The following NRDC variants were observed in gnomAD, a reference collection of about 807,000 sequenced individuals.
NRDC encodes nardilysin.
In NRDC, 54 loss-of-function variants were observed where a neutral mutation model predicts 147.1. That is an observed-to-expected ratio of 0.37 (90% confidence interval 0.29 to 0.46). NRDC has a LOEUF of 0.46. Among genes scored for constraint, NRDC ranks in the 20% least tolerant of loss-of-function variants. The pLI is 1.00. For synonymous variants in NRDC, 440 were observed against 482.1 expected, an observed-to-expected ratio of 0.91 and a Z score of 1.14; for missense variants, 1,082 against 1,370.6, an observed-to-expected ratio of 0.79 and a Z score of 3.33.
chr1:51,872,144 T>C (rs1683115076), intron 1 of NRDC, among the ~76,000 whole-genome samples: 1 of 152,222 alleles, frequency 6.6e-6, no homozygotes. Flanking sequence ...GTGCTGGGAT[T>C]ACAGGCGTGA....
chr1:51,818,179 C>A, intron 9 of NRDC, 44 bp from the exon 10 acceptor site: 2 of 1,314,214 alleles, frequency 1.5e-6, no homozygotes, highest in South Asian at 2.7e-5. Context: ...AAGTGTTTCT[C>A]TATGACTTTT....
chr1:51,808,298 A>T (rs1679558590), intron 17 of NRDC, among the ~76,000 whole-genome samples: 1 of 152,138 alleles, frequency 6.6e-6, no homozygotes, highest in Non-Finnish European at 1.5e-5. Flanking sequence ...ACTGCTCCTC[A>T]TTACCCACTC....
At chr1:51,792,628 G>T (rs191123759) in intron 24 of NRDC, among the ~76,000 whole-genome samples, 1 of 152,148 alleles carries the variant, frequency 6.6e-6, no homozygotes, top group Non-Finnish European at 1.5e-5. Flanking sequence ...TTGACCATTT[G>T]TACTCCCGGC....
At chr1:51,810,139 G>C (rs977010969) in intron 16 of NRDC, 142 bp downstream of exon 16, 1 of 511,562 alleles carries the variant, frequency 2.0e-6, no homozygotes, top group Non-Finnish European at 3.3e-6. Flanking sequence ...CTGTGCAGTA[G>C]TATAAGTAAT....
chr1:51,794,863 CAA>C lies in NRDC; in HGVS notation c.2605-11_2605-10del. 4.3e-6 allele frequency: 7 copies of C among 1,613,748 alleles called. No individual in the cohort carries two copies. Among genetic ancestry groups the C allele is most frequent in the Non-Finnish European group, 5.9e-6 (7 of 1,179,888 alleles). On this transcript the variant is annotated splice_polypyrimidine_tract_variant and intron_variant, in intron 22 of 30. Coordinates refer to ENST00000352171, the MANE Select transcript of NRDC (RefSeq NM_001101662.2). The stretch of plus-strand genomic sequence containing the variant: ...AGGAAATCCATAGATTCCTAAGAGG[CAA>C]AAGAGAATAACTACATTAAGCTCTC...
intron 4 of NRDC, among the ~76,000 whole-genome samples, chr1:51,830,252 TGC>T: frequency 6.6e-6 from 1 of 152,158 alleles, no homozygotes; most frequent in Admixed American, 6.5e-5. Context: ...CATGAGCCAC[TGC>T]GTCTGGCCTT....
At chr1:51,802,393 G>T (rs1679252083) in intron 20 of NRDC, among the ~76,000 whole-genome samples, 1 of 152,002 alleles carries the variant, frequency 6.6e-6, no homozygotes, top group South Asian at 2.1e-4. Flanking sequence ...TATATATTAG[G>T]TTTTAATATT....
chr1:51,872,475 G>A (rs1421531253), intron 1 of NRDC, among the ~76,000 whole-genome samples: 1 of 152,190 alleles, frequency 6.6e-6, no homozygotes, highest in Non-Finnish European at 1.5e-5. Context: ...GGGAGGCCAA[G>A]GTGGGCTGAT....
At chr1:51,795,869 T>C (rs908929588) in intron 22 of NRDC, among the ~76,000 whole-genome samples, 2 of 152,154 alleles carry the variant, frequency 1.3e-5, no homozygotes, top group African/African-American at 4.8e-5. Context: ...CTTCTATTTC[T>C]TAAGCACTTC....
chr1:51,850,641 A>C (rs2149234500), intron 1 of NRDC, among the ~76,000 whole-genome samples: 1 of 152,320 alleles, frequency 6.6e-6, no homozygotes, highest in Non-Finnish European at 1.5e-5. Flanking sequence ...TCCCTACAGA[A>C]ACTAAAGATA....
chr1:51,818,725 A>G (rs1220857819), intron 9 of NRDC, among the ~76,000 whole-genome samples: 1 of 152,204 alleles, frequency 6.6e-6, no homozygotes, highest in East Asian at 1.9e-4. Context: ...AGGGGAAAGC[A>G]AAAGAGACTG....
intron 1 of NRDC, among the ~76,000 whole-genome samples, chr1:51,846,342 G>T (rs367845572): frequency 3.9e-5 from 6 of 152,010 alleles, no homozygotes; most frequent in African/African-American, 1.5e-4. Context: ...TCAAATTCCT[G>T]ACCTCAAGTG....
At chr1:51,850,010 G>A (rs567025171) in intron 1 of NRDC, among the ~76,000 whole-genome samples, 2 of 150,468 alleles carry the variant, frequency 1.3e-5, no homozygotes, top group African/African-American at 5.0e-5. Context: ...GAAACCCTTC[G>A]CTACTAAAAA....
intron 18 of NRDC, among the ~76,000 whole-genome samples, chr1:51,806,559 T>G (rs988428301): frequency 6.6e-6 from 1 of 152,162 alleles, no homozygotes; most frequent in Non-Finnish European, 1.5e-5. Context: ...GAAAGAGAAG[T>G]AGGTGATATA....
intron 10 of NRDC, among the ~76,000 whole-genome samples, chr1:51,816,655 A>T (rs746900426): frequency 2.4e-4 from 37 of 152,184 alleles, no homozygotes; most frequent in Non-Finnish European, 4.0e-4. Flanking sequence ...CACCAAACTT[A>T]TCTGCTCTCA....
chr1:51,858,549 G>A (rs1682374374), intron 1 of NRDC, among the ~76,000 whole-genome samples: 2 of 151,688 alleles, frequency 1.3e-5, no homozygotes. Flanking sequence ...TAAACTTTTG[G>A]CATAAACACT....
At chr1:51,799,136 AAGT>A (rs1238887610) in intron 21 of NRDC, 17 of 152,236 alleles carry the variant, frequency 1.1e-4, no homozygotes, top group Non-Finnish European at 2.4e-4. Context: ...TAAATAAATA[AAGT>A]AGTATTCATG....
chr1:51,846,701 G>T (rs183119186), intron 1 of NRDC, among the ~76,000 whole-genome samples: 1 of 152,354 alleles, frequency 6.6e-6, no homozygotes, highest in East Asian at 1.9e-4. Flanking sequence ...ACACCAACAA[G>T]ATTTATCGCC....
chr1:51,790,603 C>T lies in NRDC; in HGVS notation c.3098G>A (p.Gly1033Glu), dbSNP rs767881382. The T allele has an allele frequency of 9.9e-6, 16 of 1,613,742 alleles. No homozygotes were observed. The highest frequency in any genetic ancestry group is 1.7e-5 in the Admixed American group (1 of 60,000). ...ATTCCAGTTCCTATCCACCTCCTCC[C>T]CAAGGTGGGTATCCTCACACTCCTT... The part of the protein sequence containing the change: ...KLKECEDTHL[G>E]EEVDRNWNEV... Residue 1033 changes from glycine to glutamate, a missense_variant, in exon 29 of 31, where the codon GGG becomes GAG. Coordinates refer to ENST00000352171, the MANE Select transcript of NRDC (RefSeq NM_001101662.2).
Sources: gnomAD v4.1 joint callset for allele counts (sites outside exome capture counted in the v4.1 genomes callset) on GRCh38, gnomAD v4.1.1 for gene constraint, MANE v1.5 for transcripts, NCBI Gene and HGNC (gene_info 2026-07-23, HGNC 2026-07-21) for gene names.